The following METTL15 variants were observed in gnomAD, a reference collection of about 807,000 sequenced individuals.
METTL15 encodes the protein 12S rRNA N(4)-cytidine methyltransferase METTL15.
Under a neutral mutation model 38.3 loss-of-function variants are expected in METTL15, and 34 were observed. The observed-to-expected ratio is 0.89, with a 90% CI of 0.68 to 1.18. The LOEUF is 1.18. Among genes scored for constraint, METTL15 ranks in the 50% most tolerant of loss-of-function variants. The pLI is 0.00. For missense variants in METTL15, 438 were observed against 498.4 expected (o/e 0.88, Z 1.15); for synonymous variants, 162 against 170.9 (o/e 0.95, Z 0.41).
chr11:28,221,314 T>A lies in METTL15; in HGVS notation c.407+10116T>A, dbSNP rs529194182. ...TTCTCGCTTCATTTCATTCATTTGATCTTCCATCACTGATACCCTTTGATC... is the reference window on the plus strand; with the variant it reads ...TTCTCGCTTCATTTCATTCATTTGAACTTCCATCACTGATACCCTTTGATC... On this transcript the variant is annotated intron_variant, in intron 4 of 6. Transcript: ENST00000407364. Among the ~76,000 whole-genome samples, 30 of 152,344 alleles carry A rather than the reference T, an allele frequency of 2.0e-4. No homozygotes were observed. In the East Asian group the frequency reaches 5.2e-3, roughly 26 times the overall value.
chr11:28,487,618 G>C (rs998516355), intron 6 of METTL15, among the ~76,000 whole-genome samples: 1 of 151,934 alleles, frequency 6.6e-6, no homozygotes, highest in Non-Finnish European at 1.5e-5. Flanking sequence ...TAATAAAAAA[G>C]CTTATTTTAA....
chr11:28,235,666 G>A (rs1432673106), intron 4 of METTL15, among the ~76,000 whole-genome samples: 1 of 152,100 alleles, frequency 6.6e-6, no homozygotes, highest in Non-Finnish European at 1.5e-5. Flanking sequence ...TGTATCCTGA[G>A]ACTTTGCTGA....
intron 6 of METTL15, among the ~76,000 whole-genome samples, chr11:28,483,275 G>A (rs996794365): frequency 2.6e-5 from 4 of 152,100 alleles, no homozygotes; most frequent in Non-Finnish European, 5.9e-5. Context: ...TGGCAATGGC[G>A]GGAAAAACTG....
At chr11:28,476,240 T>C (rs2133468450) in intron 6 of METTL15, among the ~76,000 whole-genome samples, 1 of 152,322 alleles carries the variant, frequency 6.6e-6, no homozygotes, top group South Asian at 2.1e-4. Context: ...TCTGAGATAT[T>C]AACCAGACAG....
chr11:28,116,701 TCTC>T (rs1265450730), intron 3 of METTL15, among the ~76,000 whole-genome samples: 7 of 152,114 alleles, frequency 4.6e-5, no homozygotes, highest in Non-Finnish European at 8.8e-5. Context: ...TTATTTACCT[TCTC>T]CTCAGGCAGT....
chr11:28,437,050 T>A (rs1238880348), intron 6 of METTL15, among the ~76,000 whole-genome samples: 6 of 152,206 alleles, frequency 3.9e-5, no homozygotes, highest in Non-Finnish European at 7.3e-5. Flanking sequence ...CCCTTGAACG[T>A]CAGACTCCAA....
chr11:28,525,919 T>G (rs1851806989), intron 6 of METTL15, among the ~76,000 whole-genome samples: 1 of 152,162 alleles, frequency 6.6e-6, no homozygotes, highest in African/African-American at 2.4e-5. Context: ...TCAGGCATGG[T>G]GGGCTGCAGG....
chr11:28,200,477 A>G (rs1852069825), intron 3 of METTL15, among the ~76,000 whole-genome samples: 1 of 152,050 alleles, frequency 6.6e-6, no homozygotes, highest in Non-Finnish European at 1.5e-5. Flanking sequence ...CGTTATTATT[A>G]CTCTTCATTC....
At chr11:28,184,553 C>T (rs557672924) in intron 3 of METTL15, among the ~76,000 whole-genome samples, 8 of 151,930 alleles carry the variant, frequency 5.3e-5, no homozygotes, top group Non-Finnish European at 1.2e-4. Context: ...GTTCAGTTTC[C>T]ATGTAGTTGT....
intron 5 of METTL15, among the ~76,000 whole-genome samples, chr11:28,404,249 A>G (rs991675518): frequency 1.3e-5 from 2 of 152,134 alleles, no homozygotes; most frequent in Non-Finnish European, 2.9e-5. Context: ...GTGGGGTCCA[A>G]GGATCCTGCC....
chr11:28,181,657 T>C (rs944938660), intron 3 of METTL15, among the ~76,000 whole-genome samples: 2 of 152,146 alleles, frequency 1.3e-5, no homozygotes, highest in African/African-American at 2.4e-5. Flanking sequence ...CAGTCTATCA[T>C]TGATGGACAT....
chr11:28,377,635 G>GT (rs1564912075), intron 5 of METTL15, among the ~76,000 whole-genome samples: 2 of 151,852 alleles, frequency 1.3e-5, no homozygotes, highest in Non-Finnish European at 2.9e-5. Context: ...TAATTTGATC[G>GT]TCTGAAGCCT....
At chr11:28,139,179 A>T (rs1452426671) in intron 3 of METTL15, among the ~76,000 whole-genome samples, 1 of 152,014 alleles carries the variant, frequency 6.6e-6, no homozygotes, top group Admixed American at 6.6e-5. Context: ...ACTTTGGGGG[A>T]TATATCTGAG....
intron 4 of METTL15, among the ~76,000 whole-genome samples, chr11:28,267,385 A>G (rs546347280): frequency 5.3e-4 from 81 of 152,118 alleles, no homozygotes; most frequent in African/African-American, 1.9e-3. Context: ...CCCTTCCAGT[A>G]TTTGCTGAGA....
chr11:28,409,846 G>C (rs1267987595), intron 5 of METTL15, among the ~76,000 whole-genome samples: 1 of 151,754 alleles, frequency 6.6e-6, no homozygotes, highest in Non-Finnish European at 1.5e-5. Context: ...ACCAAGAGTT[G>C]GTTTTTTGAA....
At chr11:28,496,792 G>A (rs984556360) in intron 6 of METTL15, among the ~76,000 whole-genome samples, 6 of 152,214 alleles carry the variant, frequency 3.9e-5, no homozygotes, top group African/African-American at 1.4e-4. Flanking sequence ...TGTCTATGAT[G>A]TATGCAATCT....
intron 4 of METTL15, among the ~76,000 whole-genome samples, chr11:28,353,613 C>T (rs892806373): frequency 6.6e-6 from 1 of 152,120 alleles, no homozygotes; most frequent in African/African-American, 2.4e-5. Flanking sequence ...GAGATCTTTT[C>T]CTCATAAGTA....
At position 28,524,372 on chromosome 11, in the gene METTL15, G is replaced by A. The variant is rs556497687; in HGVS notation, c.*425-2106G>A. On this transcript the variant is annotated intron_variant and NMD_transcript_variant, in intron 6 of 7. Transcript: ENST00000532947. ...TGGTCTCAAGATATCATCTATTAAT[G>A]TGAAAGAGATTGCCTTGGAAGATAG... Among the ~76,000 whole-genome samples the A allele has an allele frequency of 1.3e-4, 20 of 152,298 alleles. No homozygotes were observed. The East Asian group carries it at 3.9e-3, about 29-fold the overall frequency.
Position 28,152,237 on chromosome 11 carries a change from CT to C in METTL15, c.270+38645del, listed in dbSNP as rs879469634. ...TATATGTCCTCAAAGCCTATGTGTGCTTTTTTTTTTTTAATTAACTGCAGCA... is the reference window on the plus strand; with the variant it reads ...TATATGTCCTCAAAGCCTATGTGTGCTTTTTTTTTTTAATTAACTGCAGCA... On this transcript the variant is annotated intron_variant, in intron 3 of 6. Transcript: ENST00000407364. Among the ~76,000 whole-genome samples the C allele has an allele frequency of 3.9e-3, 551 of 142,734 alleles. 3 individuals are homozygous for C. Among genetic ancestry groups the C allele is most frequent in the African/African-American group, 8.1e-3 (319 of 39,166 alleles). 93.6% of individuals were successfully genotyped at this position (142,734 alleles called of 152,430 possible). A position where few individuals can be genotyped will look rare whatever the true frequency, so the allele number is the denominator to read the frequency against.
Sources: gnomAD v4.1 joint callset for allele counts (sites outside exome capture counted in the v4.1 genomes callset) on GRCh38, gnomAD v4.1.1 for gene constraint, MANE v1.5 for transcripts, NCBI Gene and HGNC (gene_info 2026-07-23, HGNC 2026-07-21) for gene names.